Variants in PDE6B observed in about 807,000 individuals in gnomAD.
The protein encoded by PDE6B is rod cGMP-specific 3',5'-cyclic phosphodiesterase subunit beta.
In PDE6B, 106 loss-of-function variants were observed where a neutral mutation model predicts 109.0. That is an observed-to-expected ratio of 0.97 (90% CI 0.83 to 1.14). The LOEUF is 1.14. Ranked by LOEUF, PDE6B falls within the 50% of genes most tolerant of loss-of-function variation. PDE6B has a pLI of 0.00. For synonymous variants in PDE6B, 490 were observed against 471.3 expected, an observed-to-expected ratio of 1.04 and a Z score of -0.51; for missense variants, 1,193 against 1,155.6, an observed-to-expected ratio of 1.03 and a Z score of -0.47.
Position 662,232 on chromosome 4 carries a change from G to T in PDE6B, c.1713G>T (p.Thr571=). Residue 571 remains threonine (T), a synonymous_variant, in exon 13 of 22, where the codon ACG becomes ACT. Coordinates refer to ENST00000496514, the MANE Select transcript of PDE6B (RefSeq NM_000283.4). This position sits in a 1 kb window ranked among gnomAD's most constrained non-coding sequence, Gnocchi z 4.3. ...HGFNVAQTMF[T]LLMTGKLKSY... The stretch of plus-strand genomic sequence containing the variant: ...TCAACGTGGCCCAGACGATGTTCAC[G>T]CTGCTCATGGTACGTGGCTGCCAGA... The T allele has an allele frequency of 1.3e-6, 2 of 1,547,786 alleles. No homozygotes were observed. Among genetic ancestry groups the T allele is most frequent in the South Asian group, 2.3e-5 (2 of 85,134 alleles).
At position 664,338 on chromosome 4, in the gene PDE6B, C is replaced by G. The variant is rs1024125591; in HGVS notation, c.2129+117C>G. 10 of 726,232 alleles carry G rather than the reference C, an allele frequency of 1.4e-5. No individual in the cohort carries two copies. In the African/African-American group the frequency reaches 1.7e-4, roughly 13 times the overall value. The allele number at this position is 726,232 out of a possible 1,614,324, so 45.0% of individuals were successfully genotyped here. On this transcript the variant is annotated intron_variant, in intron 17 of 21. Transcript: ENST00000496514. ...GCTCTGGAGCAGGAAGAGCCCGTCG[C>G]GGCAGCTTGTCGAGGGCTGTGAAAC... is the stretch of plus-strand genomic sequence containing the variant.
rs781343108 is a variant in PDE6B at position 666,558 on chromosome 4, G to A, written c.2296G>A (p.Glu766Lys). Residue 766 changes from glutamate (E) to lysine (K), a missense_variant, in exon 20 of 22, where the codon GAG (glutamate) becomes AAG (lysine). Coordinates refer to ENST00000496514, the MANE Select transcript of PDE6B (RefSeq NM_000283.4). This position sits in a 1 kb window ranked among gnomAD's most constrained non-coding sequence, Gnocchi z 5.6. ...IPMMDRNKAA[E>K]LPKLQVGFID... ...TATGATGGACCGGAACAAGGCGGCC[G>A]AGCTCCCCAAGCTGCAAGTGGGCTT... The A allele has an allele frequency of 1.1e-5, 18 of 1,613,184 alleles. No homozygotes were observed. Among genetic ancestry groups the A allele is most frequent in the Middle Eastern group, 1.7e-4 (1 of 6,060 alleles).
chr4:658,883 G>T, intron 10 of PDE6B, 69 bp from the exon 11 acceptor site: 1 of 1,116,448 alleles, frequency 9.0e-7, no homozygotes, highest in Non-Finnish European at 1.4e-6. Context: ...CACACGGGGT[G>T]GACGCACCGC....
At chr4:669,721 A>T (rs1014781032) in intron 21 of PDE6B, among the ~76,000 whole-genome samples, 1 of 103,190 alleles carries the variant, frequency 9.7e-6, no homozygotes, top group South Asian at 3.2e-4. Flanking sequence ...TATTCCCGCT[A>T]CCCCATGCTA....
Position 662,058 on chromosome 4 carries a change from A to G in PDE6B, c.1615-76A>G. 1.4e-6 allele frequency: 1 copy of G among 740,118 alleles called. No homozygotes were observed. The highest frequency in any genetic ancestry group is 2.5e-6 in the Non-Finnish European group (1 of 408,154). The allele number at this position is 740,118 out of a possible 1,614,324, so 45.8% of individuals were successfully genotyped here. A position where few individuals can be genotyped will look rare whatever the true frequency, so the allele number is the denominator to read the frequency against. On this transcript the variant is annotated intron_variant, in intron 12 of 21. Coordinates refer to ENST00000496514, the MANE Select transcript of PDE6B (RefSeq NM_000283.4). This position sits in a 1 kb window ranked among gnomAD's most constrained non-coding sequence, Gnocchi z 4.3. ...GGCACGGAGCAGGGCTTCCACTGTG[A>G]AGTCAGCCACAGGTGCCGCTCTGGC...
At chr4:639,383 T>C (rs1734843038) in intron 3 of PDE6B, among the ~76,000 whole-genome samples, 1 of 152,044 alleles carries the variant, frequency 6.6e-6, no homozygotes, top group African/African-American at 2.4e-5. Context: ...GTGATGTTTT[T>C]CTTGGGGTCC....
chr4:659,045 T>C lies in PDE6B; in HGVS notation c.1467+28T>C, dbSNP rs763417362. On this transcript the variant is annotated intron_variant, in intron 11 of 21. Transcript: ENST00000496514. ...AAGAACCTTGCTCCCGTCCCTCCCATGGAGGCCGGCCACGTGTGAGGCTGG... is the reference window on the plus strand; with the variant it reads ...AAGAACCTTGCTCCCGTCCCTCCCACGGAGGCCGGCCACGTGTGAGGCTGG... 3.2e-6 allele frequency: 5 copies of C among 1,565,282 alleles called. No individual in the cohort carries two copies. In the South Asian group the frequency reaches 3.3e-5, roughly 10 times the overall value.
chr4:625,918 C>T lies in PDE6B; in HGVS notation c.292C>T (p.Arg98Cys), dbSNP rs374578601. The T allele has an allele frequency of 6.0e-4, 953 of 1,600,724 alleles. 1 individual carries two copies. Among genetic ancestry groups the T allele is most frequent in the Non-Finnish European group, 7.8e-4 (917 of 1,174,328 alleles). The change falls in exon 1 of 22, where the codon CGC becomes TGC. Residue 98 changes from arginine to cysteine, a missense_variant. Arg to Cys is a radical substitution (Grantham distance 180). Coordinates refer to ENST00000496514, the MANE Select transcript of PDE6B (RefSeq NM_000283.4). The surrounding 1 kb of genome is among the most constrained non-coding windows in gnomAD (Gnocchi z 5.0). ...CGACCGCTGCAGCCTCTTCATGTAC[C>T]GCCAGCGCAACGGCGTGGCCGAGCT... ...QADRCSLFMY[R>C]QRNGVAELAT...
At position 648,696 on chromosome 4, in the gene PDE6B, TTC is replaced by T. The variant is rs1735333507; in HGVS notation, c.712-5150_712-5149del. ...GGGTTAGGCCCTACAGAGCTCAGGT[TTC>T]TCTCTGACCTGTCACGGCAGCTGCC... On this transcript the variant is annotated intron_variant, in intron 3 of 21. Coordinates refer to ENST00000496514, the MANE Select transcript of PDE6B (RefSeq NM_000283.4). The surrounding 1 kb of genome is among the most constrained non-coding windows in gnomAD (Gnocchi z 4.5). Among the ~76,000 whole-genome samples, 1 of 152,218 alleles carries T rather than the reference TTC, an allele frequency of 6.6e-6. No individual in the cohort carries two copies. The highest frequency in any genetic ancestry group is 1.9e-4 in the East Asian group (1 of 5,194).
chr4:662,761 G>A lies in PDE6B; in HGVS notation c.1832+143G>A, dbSNP rs373094080. On this transcript the variant is annotated intron_variant, in intron 14 of 21. Transcript: ENST00000496514. This position sits in a 1 kb window ranked among gnomAD's most constrained non-coding sequence, Gnocchi z 4.3. ...CTCCAGCACTGTGGGAGGCCAAGGC[G>A]AGGGGATTGCTTGAGCCCAGGAGTT... 1.1e-3 allele frequency: 770 copies of A among 701,424 alleles called. 5 individuals are homozygous for A. The Admixed American group carries it at 0.012, about 11-fold the overall frequency. 43.5% of individuals were successfully genotyped at this position (701,424 alleles called of 1,614,324 possible).
At chr4:659,762 T>TTG (rs1560128799) in intron 11 of PDE6B, among the ~76,000 whole-genome samples, 1 of 144,456 alleles carries the variant, frequency 6.9e-6, no homozygotes, top group Non-Finnish European at 1.5e-5. Context: ...GGGGTGTGTA[T>TTG]TGTGTGTGCA....
intron 11 of PDE6B, among the ~76,000 whole-genome samples, chr4:660,030 CGT>C: frequency 6.6e-6 from 1 of 152,188 alleles, no homozygotes; most frequent in East Asian, 1.9e-4. Context: ...TGAGTCTGCA[CGT>C]GTGTGCCTGC....
At chr4:644,525 GT>G (rs796455392) in intron 3 of PDE6B, among the ~76,000 whole-genome samples, 68 of 151,518 alleles carry the variant, frequency 4.5e-4, no homozygotes, top group African/African-American at 1.4e-3. Context: ...CAGTGTTTTT[GT>G]TTTTTTTATT....
At position 670,084 on chromosome 4, in the gene PDE6B, T is replaced by C; in HGVS notation, c.2542T>C (p.Ser848Pro). 6.2e-7 allele frequency: 1 copy of C among 1,613,092 alleles called. No homozygotes were observed. Among genetic ancestry groups the C allele is most frequent in the South Asian group, 1.1e-5 (1 of 91,076 alleles). Reference sequence around the variant, plus strand: ...TTGCAATGGCGGCCCAGCACCCAAGTCTTCAACCTGCTGTATCCTGTGAGC... The same window carrying C: ...TTGCAATGGCGGCCCAGCACCCAAGCCTTCAACCTGCTGTATCCTGTGAGC... ...EICNGGPAPK[S>P]STCCIL is the part of the protein sequence containing the mutation. The change falls in exon 22 of 22, where the codon TCT becomes CCT. Residue 848 changes from serine to proline, a missense_variant. Transcript: ENST00000496514.
intron 1 of PDE6B, among the ~76,000 whole-genome samples, chr4:631,147 A>T (rs1361746539): frequency 1.3e-5 from 2 of 152,236 alleles, no homozygotes; most frequent in Non-Finnish European, 2.9e-5. Flanking sequence ...GAAGAAGAGA[A>T]GGTGACAAAT....
In PDE6B at chr4:629,416, C is replaced by A. The variant is rs554386736; in HGVS notation, c.468+3322C>A. Among the ~76,000 whole-genome samples, 15 of 152,334 alleles carry A rather than the reference C, an allele frequency of 9.8e-5. No homozygotes were observed. In the South Asian group the frequency reaches 3.1e-3, roughly 32 times the overall value. ...ACCAAGTGGCGGGGCAGGACTCACA[C>A]CCCAGCTCTGACTGTGCAGCGGTTT... is the stretch of plus-strand genomic sequence containing the variant. On this transcript the variant is annotated intron_variant, in intron 1 of 21. Coordinates refer to ENST00000496514, the MANE Select transcript of PDE6B (RefSeq NM_000283.4).
Position 662,864 on chromosome 4 carries a change from A to G in PDE6B, c.1833-236A>G, listed in dbSNP as rs543805165. On this transcript the variant is annotated intron_variant, in intron 14 of 21. Coordinates refer to ENST00000496514, the MANE Select transcript of PDE6B (RefSeq NM_000283.4). This position sits in a 1 kb window ranked among gnomAD's most constrained non-coding sequence, Gnocchi z 4.3. ...AAAAAAAAAAAAAAAAAAGCTGTGT[A>G]TGGTGGCGCACACCTGTGGTCCCAG... Among the ~76,000 whole-genome samples the G allele has an allele frequency of 6.8e-6, 1 of 146,720 alleles. No individual in the cohort carries two copies. The highest frequency in any genetic ancestry group is 1.5e-5 in the Non-Finnish European group (1 of 66,754).
intron 1 of PDE6B, among the ~76,000 whole-genome samples, chr4:629,041 G>A (rs1198815460): frequency 1.3e-5 from 2 of 152,230 alleles, no homozygotes; most frequent in Non-Finnish European, 2.9e-5. Context: ...GGTCCCAGAA[G>A]GCGGACACCA....
intron 11 of PDE6B, 89 bp from the exon 12 acceptor site, chr4:660,378 T>G (rs1163205223): frequency 3.7e-6 from 5 of 1,350,242 alleles, no homozygotes; most frequent in Non-Finnish European, 5.3e-6. Flanking sequence ...TGTCTGAGGC[T>G]TGGCAGGGGA....
Sources: gnomAD v4.1 joint callset for allele counts (sites outside exome capture counted in the v4.1 genomes callset) on GRCh38, gnomAD v4.1.1 for gene constraint, Gnocchi (gnomAD v3.1) non-coding constraint, MANE v1.5 for transcripts, NCBI Gene and HGNC (gene_info 2026-07-23, HGNC 2026-07-21) for gene names.